The following B3GALT1 variants were observed in gnomAD, a reference collection of about 807,000 sequenced individuals.
B3GALT1 encodes the protein UDP-Gal:betaGlcNAc beta 1,3-galactosyltransferase, polypeptide 1.
A neutral mutation model predicts 23.2 loss-of-function variants in B3GALT1; 10 were observed. The ratio of observed to expected loss-of-function variants is 0.43; its 90% CI spans 0.27 to 0.73. The LOEUF is 0.73. Among genes scored for constraint, B3GALT1 ranks in the 30% least tolerant of loss-of-function variants. B3GALT1 has a pLI of 0.21. For synonymous variants in B3GALT1, 156 were observed against 141.5 expected (o/e 1.10, Z -0.73); for missense variants, 299 against 405.4 (o/e 0.74, Z 2.25).
chr2:167,305,068 C>T (rs1249046332), intron 1 of B3GALT1, among the ~76,000 whole-genome samples: 2 of 152,160 alleles, frequency 1.3e-5, no homozygotes, highest in Non-Finnish European at 2.9e-5. Context: ...GATTCAGATG[C>T]TCATCTCATC....
chr2:167,836,023 C>G (rs892282939), intron 4 of B3GALT1, among the ~76,000 whole-genome samples: 3 of 152,112 alleles, frequency 2.0e-5, no homozygotes, highest in African/African-American at 7.2e-5. Flanking sequence ...ACACCAAAAA[C>G]CCATCTGTAC....
intron 1 of B3GALT1, among the ~76,000 whole-genome samples, chr2:167,428,978 A>G (rs763646722): frequency 2.1e-4 from 32 of 152,060 alleles, no homozygotes; most frequent in Admixed American, 6.6e-4. Flanking sequence ...AATACACTAC[A>G]ATAAAGAAAT....
chr2:167,528,001 T>C (rs752095395), intron 2 of B3GALT1, among the ~76,000 whole-genome samples: 3 of 152,226 alleles, frequency 2.0e-5, no homozygotes, highest in Non-Finnish European at 4.4e-5. Context: ...TTATAAAAGA[T>C]AAGGTTAAGT....
At chr2:167,358,260 T>C (rs1697447052) in intron 1 of B3GALT1, among the ~76,000 whole-genome samples, 1 of 152,130 alleles carries the variant, frequency 6.6e-6, no homozygotes, top group Admixed American at 6.6e-5. Context: ...TAGAAGCATG[T>C]ATGAGGAACA....
chr2:167,808,336 C>T (rs13029477), intron 3 of B3GALT1, among the ~76,000 whole-genome samples: 30,414 of 150,852 alleles, frequency 0.2, 3,731 homozygotes, highest in East Asian at 0.36. Flanking sequence ...TGAATTTGAT[C>T]CTGTCATTAT....
At chr2:167,513,859 C>T (rs1700063805) in intron 2 of B3GALT1, among the ~76,000 whole-genome samples, 1 of 152,052 alleles carries the variant, frequency 6.6e-6, no homozygotes, top group Admixed American at 6.6e-5. Context: ...AACTTATCTA[C>T]TTTGCTTTTC....
At chr2:167,629,632 C>A (rs917501342) in intron 2 of B3GALT1, among the ~76,000 whole-genome samples, 1 of 151,678 alleles carries the variant, frequency 6.6e-6, no homozygotes, top group African/African-American at 2.4e-5. Context: ...TTAACTCACT[C>A]CTTTTTTAAA....
At chr2:167,763,690 G>GAAAAA (rs35567239) in intron 3 of B3GALT1, among the ~76,000 whole-genome samples, 9 of 81,988 alleles carry the variant, frequency 1.1e-4, no homozygotes, top group East Asian at 3.8e-4. Flanking sequence ...GACTCTGTCA[G>GAAAAA]AAAAAAAAAA....
At chr2:167,714,015 C>T (rs1687104266) in intron 3 of B3GALT1, 14 of 1,543,996 alleles carry the variant, frequency 9.1e-6, no homozygotes, top group Middle Eastern at 1.7e-4. Context: ...CCAGTTGCTT[C>T]ATTTTCGGCA....
At chr2:167,523,051 A>G (rs933485857) in intron 2 of B3GALT1, among the ~76,000 whole-genome samples, 6 of 152,160 alleles carry the variant, frequency 3.9e-5, no homozygotes. Context: ...ATGCCACTGG[A>G]CACCCATGAC....
At chr2:167,731,862 G>T (rs1687415989) in intron 3 of B3GALT1, among the ~76,000 whole-genome samples, 1 of 152,076 alleles carries the variant, frequency 6.6e-6, no homozygotes, top group South Asian at 2.1e-4. Context: ...TTTGTTTCCA[G>T]ACCCCTCTTT....
chr2:167,749,029 C>A (rs1411812121), intron 3 of B3GALT1, among the ~76,000 whole-genome samples: 1 of 152,166 alleles, frequency 6.6e-6, no homozygotes, highest in Non-Finnish European at 1.5e-5. Flanking sequence ...AAAAAACAGA[C>A]AAGCCAGGCA....
At chr2:167,322,565 G>T (rs1473646965) in intron 1 of B3GALT1, among the ~76,000 whole-genome samples, 1 of 152,040 alleles carries the variant, frequency 6.6e-6, no homozygotes, top group East Asian at 1.9e-4. Context: ...ACGACATTTA[G>T]TAAAATTAAA....
chr2:167,862,107 A>G (rs1690114211), intron 4 of B3GALT1, among the ~76,000 whole-genome samples: 1 of 152,196 alleles, frequency 6.6e-6, no homozygotes, highest in African/African-American at 2.4e-5. Context: ...ATTTGCCTAT[A>G]GTTAGGATTC....
chr2:167,464,252 T>A (rs960485514), intron 1 of B3GALT1, among the ~76,000 whole-genome samples: 1 of 152,144 alleles, frequency 6.6e-6, no homozygotes, highest in Admixed American at 6.6e-5. Flanking sequence ...ATGGCCCTGC[T>A]TCAGTAGTAT....
At chr2:167,313,984 A>C (rs1696672680) in intron 1 of B3GALT1, among the ~76,000 whole-genome samples, 1 of 152,122 alleles carries the variant, frequency 6.6e-6, no homozygotes, top group Non-Finnish European at 1.5e-5. Context: ...TCAGTAGGCT[A>C]ACATCCTCAG....
At chr2:167,575,877 G>A (rs977986093) in intron 2 of B3GALT1, among the ~76,000 whole-genome samples, 6 of 151,674 alleles carry the variant, frequency 4.0e-5, no homozygotes, top group African/African-American at 1.5e-4. Context: ...AAAACAGGGA[G>A]TTCACGTTTT....
chr2:167,376,096 ATTAATT>A (rs1214502138), intron 1 of B3GALT1, among the ~76,000 whole-genome samples: 1 of 152,044 alleles, frequency 6.6e-6, no homozygotes, highest in Non-Finnish European at 1.5e-5. Flanking sequence ...GTTTTTTCTT[ATTAATT>A]TTGTTTATGC....
At chr2:167,791,406 TG>T (rs1487536188) in intron 3 of B3GALT1, among the ~76,000 whole-genome samples, 5 of 152,330 alleles carry the variant, frequency 3.3e-5, no homozygotes, top group African/African-American at 1.2e-4. Context: ...AATGGCTACC[TG>T]GTTTTTCCAA....
Sources: allele counts gnomAD v4.1 joint callset (sites outside exome capture counted in the v4.1 genomes callset), GRCh38; gene constraint gnomAD v4.1.1; transcripts MANE v1.5; gene names NCBI Gene and HGNC (gene_info 2026-07-23, HGNC 2026-07-21).